MARS1: variants seen among roughly 807,000 people sequenced by gnomAD.
The protein encoded by MARS1 is methionyl-tRNA synthetase 1.
Under a neutral mutation model 119.5 loss-of-function variants are expected in MARS1, and 80 were observed. The observed-to-expected ratio is 0.67, with a 90% confidence interval of 0.56 to 0.81. The LOEUF (loss-of-function observed/expected upper bound fraction) is 0.81. Ranked by LOEUF, MARS1 falls within the 30% of genes least tolerant of loss-of-function variation. The probability of loss-of-function intolerance (pLI) is 0.00; values close to 1 mark genes in which losing one functional copy is unlikely to be tolerated. For missense variants in MARS1, 945 were observed against 1,116.5 expected, an observed-to-expected ratio of 0.85 and a Z score of 2.19; for synonymous variants, 418 against 433.4, an observed-to-expected ratio of 0.96 and a Z score of 0.44.
chr12:57,493,788 AT>A (rs1734995172), intron 7 of MARS1, among the ~76,000 whole-genome samples: 4 of 1,996 alleles, frequency 2.0e-3, no homozygotes, highest in African/African-American at 6.5e-3. Context: ...TATATTATAT[AT>A]TATATATTAT....
At chr12:57,494,122 A>C (rs1876451278) in intron 7 of MARS1, among the ~76,000 whole-genome samples, 1 of 143,850 alleles carries the variant, frequency 7.0e-6, no homozygotes, top group Admixed American at 7.4e-5. Flanking sequence ...TGCCCAGCTA[A>C]TTTTTGTATT....
intron 7 of MARS1, among the ~76,000 whole-genome samples, chr12:57,493,834 T>TA (rs369212092): frequency 0.038 from 37 of 974 alleles, 12 homozygotes; most frequent in South Asian, 0.2. Flanking sequence ...TTATATTATA[T>TA]ATTATAATAT....
chr12:57,512,425 T>C, intron 14 of MARS1, 72 bp downstream of exon 14: 1 of 1,064,562 alleles, frequency 9.4e-7, no homozygotes, highest in Non-Finnish European at 1.4e-6. Context: ...TGGAAAAAGA[T>C]CTTGGAGAGC....
chr12:57,511,611 G>A, intron 11 of MARS1, 87 bp from the exon 12 acceptor site: 1 of 1,440,598 alleles, frequency 6.9e-7, no homozygotes, highest in South Asian at 1.2e-5. Flanking sequence ...TTGCCAAATT[G>A]TGCTCCAAAA....
chr12:57,503,422 G>A (rs183538415), intron 10 of MARS1, among the ~76,000 whole-genome samples: 2 of 151,900 alleles, frequency 1.3e-5, no homozygotes, highest in Non-Finnish European at 2.9e-5. Flanking sequence ...TAGTAGAGAC[G>A]AGGTTTCACC....
At chr12:57,511,189 C>T (rs1877497415) in intron 11 of MARS1, among the ~76,000 whole-genome samples, 1 of 151,986 alleles carries the variant, frequency 6.6e-6, no homozygotes. Context: ...CTGTGTTGCC[C>T]AGGATGGTCA....
chr12:57,495,869 G>T (rs891183311), intron 7 of MARS1, among the ~76,000 whole-genome samples: 4 of 152,180 alleles, frequency 2.6e-5, no homozygotes, highest in African/African-American at 9.7e-5. Flanking sequence ...GTGTGGCGGC[G>T]CGCGCCTGCA....
At position 57,514,870 on chromosome 12, in the gene MARS1, T is replaced by C; in HGVS notation, c.2099+19T>C. 1.2e-6 allele frequency: 2 copies of C among 1,613,376 alleles called. No homozygotes were observed. Among genetic ancestry groups the C allele is most frequent in the East Asian group, 2.2e-5 (1 of 44,880 alleles). On this transcript the variant is annotated intron_variant, in intron 16 of 20. Coordinates refer to ENST00000262027, the MANE Select transcript of MARS1 (RefSeq NM_004990.4). ...AGGTTCGGTAAGTAACTGACACCTC[T>C]GTCTTTTCTGCTGGCATGTTGAGAG...
In MARS1 at chr12:57,488,129, G is replaced by T; in HGVS notation, c.39G>T (p.Leu13Phe). The change falls in exon 1 of 21, where the codon TTG becomes TTT. Residue 13 changes from leucine (L) to phenylalanine (F), a missense_variant. By Grantham distance (22) the Leu-to-Phe change is conservative (BLOSUM62 0). Coordinates refer to ENST00000262027, the MANE Select transcript of MARS1 (RefSeq NM_004990.4). ...TGAGTGATGGCGTCCCGGGTTGCTTGCCGGTGCTGGCCGCCGCCGGGAGAG... is the reference window on the plus strand; with the variant it reads ...TGAGTGATGGCGTCCCGGGTTGCTTTCCGGTGCTGGCCGCCGCCGGGAGAG... ...LFVSDGVPGC[L>F]PVLAAAGRAR... The T allele has an allele frequency of 6.2e-7, 1 of 1,614,162 alleles. No homozygotes were observed. Among genetic ancestry groups the T allele is most frequent in the South Asian group, 1.1e-5 (1 of 91,082 alleles).
At chr12:57,500,621 G>C in intron 10 of MARS1, 99 bp downstream of exon 10, 1 of 1,193,480 alleles carries the variant, frequency 8.4e-7, no homozygotes, top group Non-Finnish European at 1.2e-6. Flanking sequence ...TAGCATTCTA[G>C]ACCTTTAACC....
In MARS1 at chr12:57,489,042, C is replaced by T. The variant is rs1291977072; in HGVS notation, c.133C>T (p.Arg45Trp). The T allele has an allele frequency of 3.1e-6, 5 of 1,613,936 alleles. No individual in the cohort carries two copies. The highest frequency in any genetic ancestry group is 1.3e-5 in the African/African-American group (1 of 74,966). ...PEDCVVPFLT[R>W]PKVPVLQLDS... ...AGATTGTGTGGTCCCGTTCCTGACC[C>T]GGCCTAAGGTCCCTGTCTTGCAGCT... is the stretch of plus-strand genomic sequence containing the variant. Residue 45 changes from arginine (R) to tryptophan (W), a missense_variant, in exon 2 of 21, where the codon CGG becomes TGG. By Grantham distance (101) the Arg-to-Trp change is moderately radical (BLOSUM62 -3). Coordinates refer to ENST00000262027, the MANE Select transcript of MARS1 (RefSeq NM_004990.4).
intron 9 of MARS1, 131 bp from the exon 10 acceptor site, chr12:57,500,190 C>T (rs1243606369): frequency 1.3e-6 from 1 of 742,550 alleles, no homozygotes; most frequent in Admixed American, 1.8e-5. Context: ...TGAATAGATG[C>T]CCTTTTCCTT....
At position 57,489,212 on chromosome 12, in the gene MARS1, A is replaced by C. The variant is rs181376264; in HGVS notation, c.201-55A>C. The C allele has an allele frequency of 3.1e-6, 5 of 1,601,622 alleles. No homozygotes were observed. In the East Asian group the frequency reaches 1.1e-4, roughly 36 times the overall value. On this transcript the variant is annotated intron_variant, in intron 2 of 20. Transcript: ENST00000262027. ...GCCATTGTTTCCCTGTGTGATGAGAAATGGGCTAAATGGGCCCCTCTAAGT... is the reference window on the plus strand; with the variant it reads ...GCCATTGTTTCCCTGTGTGATGAGACATGGGCTAAATGGGCCCCTCTAAGT...
At chr12:57,507,745 G>A (rs1338466651) in intron 11 of MARS1, among the ~76,000 whole-genome samples, 2 of 145,094 alleles carry the variant, frequency 1.4e-5, no homozygotes, top group Admixed American at 6.8e-5. Flanking sequence ...GCGGCTGGCC[G>A]GGCGGGGGCT....
At chr12:57,493,302 A>G (rs1051898912) in intron 7 of MARS1, among the ~76,000 whole-genome samples, 1 of 109,486 alleles carries the variant, frequency 9.1e-6, no homozygotes. Flanking sequence ...GTATATATAT[A>G]TAATATATAT....
chr12:57,489,698 C>A, intron 4 of MARS1, 140 bp downstream of exon 4: 1 of 1,290,592 alleles, frequency 7.7e-7, no homozygotes, highest in Non-Finnish European at 1.1e-6. Flanking sequence ...TCTCTCTAAT[C>A]CTCAATTTTT....
In MARS1 at chr12:57,512,258, CCAAAGA is replaced by C. The variant is rs1555168270; in HGVS notation, c.1662_1667del (p.Lys554_Asp555del). On this transcript the variant is annotated inframe_deletion, in exon 14 of 21. Transcript: ENST00000262027. ...TAGGTGGACCTGTATCAGTTCATGG[CCAAAGA>C]CAATGTTCCTTTCCATAGCTTAGTC... 6.2e-7 allele frequency: 1 copy of C among 1,614,044 alleles called. No individual in the cohort carries two copies. Among genetic ancestry groups the C allele is most frequent in the Non-Finnish European group, 8.5e-7 (1 of 1,179,926 alleles).
At chr12:57,511,916 C>G in intron 12 of MARS1, 48 bp downstream of exon 12, 1 of 1,609,764 alleles carries the variant, frequency 6.2e-7, no homozygotes, top group East Asian at 2.2e-5. Flanking sequence ...TGTTGAAACC[C>G]TGGGCTAGCA....
chr12:57,512,076 G>T lies in MARS1; in HGVS notation c.1608G>T (p.Trp536Cys), dbSNP rs753817865. The T allele has an allele frequency of 6.2e-7, 1 of 1,614,036 alleles. No homozygotes were observed. The highest frequency in any genetic ancestry group is 1.3e-5 in the African/African-American group (1 of 74,924). Residue 536 changes from tryptophan to cysteine, a missense_variant, in exon 13 of 21, where the codon TGG (tryptophan) becomes TGT (cysteine). By Grantham distance (215) the Trp-to-Cys change is radical. Transcript: ENST00000262027. The part of the protein sequence containing the change: ...LSITANYTDQ[W>C]ERWWKNPEQV... ...TCACAGCCAACTACACAGACCAGTG[G>T]GAGAGATGGTGGAAGAACCCAGAGC...
Sources: gnomAD v4.1 joint callset for allele counts (sites outside exome capture counted in the v4.1 genomes callset) on GRCh38, gnomAD v4.1.1 for gene constraint, MANE v1.5 for transcripts, NCBI Gene and HGNC (gene_info 2026-07-23, HGNC 2026-07-21) for gene names.